The following ANKRD28 variants were observed in gnomAD, a reference collection of about 807,000 sequenced individuals.
ANKRD28 encodes the protein serine/threonine-protein phosphatase 6 regulatory ankyrin repeat subunit A.
Under a neutral mutation model 126.5 loss-of-function variants are expected in ANKRD28, and 44 were observed. The observed-to-expected ratio is 0.35, with a 90% CI of 0.27 to 0.45. The LOEUF (loss-of-function observed/expected upper bound fraction) is 0.45. Among genes scored for constraint, ANKRD28 ranks in the 20% least tolerant of loss-of-function variants. The pLI is 1.00. For synonymous variants in ANKRD28, 442 were observed against 468.5 expected, an observed-to-expected ratio of 0.94 and a Z score of 0.73; for missense variants, 1,110 against 1,316.6, an observed-to-expected ratio of 0.84 and a Z score of 2.43.
intron 2 of ANKRD28, among the ~76,000 whole-genome samples, chr3:15,775,270 G>A (rs1363549490): frequency 6.6e-6 from 1 of 152,196 alleles, no homozygotes; most frequent in Non-Finnish European, 1.5e-5. Flanking sequence ...AAAAAAGCAA[G>A]CTAAAATAAC....
intron 14 of ANKRD28, among the ~76,000 whole-genome samples, chr3:15,706,846 A>G (rs1428516317): frequency 6.6e-6 from 1 of 152,142 alleles, no homozygotes; most frequent in Non-Finnish European, 1.5e-5. Flanking sequence ...ACCAGTGATG[A>G]TGAGCATTTT....
chr3:15,778,308 A>T (rs941770620), intron 2 of ANKRD28, among the ~76,000 whole-genome samples: 1 of 152,202 alleles, frequency 6.6e-6, no homozygotes, highest in Admixed American at 6.5e-5. Context: ...CTTTTAGTTC[A>T]CAGTTTTAAG....
In ANKRD28 at chr3:15,796,566, A is replaced by G. The variant is rs1366218655; in HGVS notation, c.-45T>C. ...AATTCCAAGCTATGTGATAAAAGTCACAGTTGGAAGAGCACAAGTAGTTTT... is the reference window on the plus strand; with the variant it reads ...AATTCCAAGCTATGTGATAAAAGTCGCAGTTGGAAGAGCACAAGTAGTTTT... On this transcript the variant is annotated 5_prime_UTR_variant, in exon 1 of 28. Transcript: ENST00000683139. 11 of 1,256,726 alleles carry G rather than the reference A, an allele frequency of 8.8e-6. No individual in the cohort carries two copies. Among genetic ancestry groups the G allele is most frequent in the Non-Finnish European group, 9.3e-6 (9 of 968,556 alleles). 77.8% of individuals were successfully genotyped at this position (1,256,726 alleles called of 1,614,324 possible).
chr3:15,730,090 C>G (rs984594583), intron 6 of ANKRD28, among the ~76,000 whole-genome samples: 3 of 152,008 alleles, frequency 2.0e-5, no homozygotes, highest in African/African-American at 7.3e-5. Context: ...CTCCTGGGCT[C>G]AAGGATCTTC....
At chr3:15,772,858 T>C (rs2059085363) in intron 2 of ANKRD28, among the ~76,000 whole-genome samples, 1 of 152,076 alleles carries the variant, frequency 6.6e-6, no homozygotes, top group Non-Finnish European at 1.5e-5. Context: ...AGCTAGCTCA[T>C]AATTTTTAAA....
chr3:15,784,437 TGTTA>T (rs1476518515), intron 2 of ANKRD28, among the ~76,000 whole-genome samples: 1 of 151,976 alleles, frequency 6.6e-6, no homozygotes, highest in African/African-American at 2.4e-5. Flanking sequence ...AGTGGTATAG[TGTTA>T]TTTGACAGCT....
chr3:15,671,647 A>C (rs994030326), intron 27 of ANKRD28, among the ~76,000 whole-genome samples: 2 of 148,778 alleles, frequency 1.3e-5, no homozygotes, highest in African/African-American at 5.1e-5. Flanking sequence ...TCAGTGGTGC[A>C]AACTTGGCTC....
At chr3:15,808,568 A>G (rs2060638879) in intron 1 of ANKRD28, among the ~76,000 whole-genome samples, 1 of 152,214 alleles carries the variant, frequency 6.6e-6, no homozygotes, top group African/African-American at 2.4e-5. Flanking sequence ...CAAATCTTCA[A>G]GACTTTGCAG....
At chr3:15,755,066 T>C (rs1189481509) in intron 3 of ANKRD28, among the ~76,000 whole-genome samples, 1 of 151,622 alleles carries the variant, frequency 6.6e-6, no homozygotes, top group Non-Finnish European at 1.5e-5. Flanking sequence ...GAGGTGGAGG[T>C]TGCAGTGAGC....
chr3:15,694,092 T>C (rs2069186147), intron 17 of ANKRD28, among the ~76,000 whole-genome samples: 1 of 152,112 alleles, frequency 6.6e-6, no homozygotes, highest in Non-Finnish European at 1.5e-5. Flanking sequence ...GTCTCAAAAA[T>C]AAATTCTTTC....
intron 14 of ANKRD28, among the ~76,000 whole-genome samples, chr3:15,698,159 T>C (rs1401015932): frequency 6.6e-6 from 1 of 152,204 alleles, no homozygotes; most frequent in Non-Finnish European, 1.5e-5. Flanking sequence ...TCTCAATAGA[T>C]GCAGAAAAGG....
chr3:15,741,654 T>G (rs1223949670), intron 4 of ANKRD28, among the ~76,000 whole-genome samples: 5 of 143,652 alleles, frequency 3.5e-5, no homozygotes, highest in African/African-American at 7.7e-5. Context: ...GGGGTCAGTA[T>G]AGAAGAGGCT....
intron 4 of ANKRD28, among the ~76,000 whole-genome samples, chr3:15,750,457 G>A (rs1322822512): frequency 6.6e-6 from 1 of 152,116 alleles, no homozygotes; most frequent in African/African-American, 2.4e-5. Context: ...CGTAATAATT[G>A]AAGCCAGTGT....
intron 14 of ANKRD28, among the ~76,000 whole-genome samples, chr3:15,703,174 G>C (rs1007433533): frequency 3.3e-5 from 5 of 151,938 alleles, no homozygotes; most frequent in Non-Finnish European, 7.4e-5. Context: ...GATTGATTTT[G>C]GTAATAAAAA....
chr3:15,848,481 C>CT (rs1290633546), intron 1 of ANKRD28, among the ~76,000 whole-genome samples: 2 of 152,044 alleles, frequency 1.3e-5, no homozygotes, highest in Non-Finnish European at 2.9e-5. Context: ...TGAAGACCAG[C>CT]CTGGGCAACA....
chr3:15,763,331 G>A (rs1405955797), intron 3 of ANKRD28, among the ~76,000 whole-genome samples: 1 of 152,086 alleles, frequency 6.6e-6, no homozygotes, highest in East Asian at 1.9e-4. Context: ...AAAGACTTGA[G>A]AAACAAACCA....
chr3:15,791,618 A>G (rs2060031529), intron 2 of ANKRD28, among the ~76,000 whole-genome samples: 2 of 152,132 alleles, frequency 1.3e-5, no homozygotes, highest in South Asian at 4.1e-4. Context: ...TCAAATCAAA[A>G]TGCATTAAAT....
chr3:15,715,994 CTTTTTT>C (rs5846874), intron 8 of ANKRD28, among the ~76,000 whole-genome samples: 23 of 142,742 alleles, frequency 1.6e-4, no homozygotes, highest in African/African-American at 5.6e-4. Context: ...TTTTTTCTCT[CTTTTTT>C]TTTTTTGAGA....
At chr3:15,727,671 C>T (rs2074280090) in intron 6 of ANKRD28, among the ~76,000 whole-genome samples, 1 of 151,248 alleles carries the variant, frequency 6.6e-6, no homozygotes, top group African/African-American at 2.4e-5. Flanking sequence ...AAGTTGATTC[C>T]AACCCTCATG....
Sources: gnomAD v4.1 joint callset for allele counts (sites outside exome capture counted in the v4.1 genomes callset) on GRCh38, gnomAD v4.1.1 for gene constraint, MANE v1.5 for transcripts, NCBI Gene and HGNC (gene_info 2026-07-23, HGNC 2026-07-21) for gene names.